Variants in DCDC1 observed in about 807,000 individuals in gnomAD.
DCDC1 encodes doublecortin domain containing 1, also known as doublecortin domain-containing protein 1.
A neutral mutation model predicts 178.3 loss-of-function variants in DCDC1; 200 were observed. The ratio of observed to expected loss-of-function variants is 1.12; its 90% CI spans 1.00 to 1.26. The LOEUF is 1.26. Ranked by LOEUF, DCDC1 falls within the 50% of genes most tolerant of loss-of-function variation. The pLI is 0.00. For missense variants in DCDC1, 1,983 were observed against 1,749.2 expected (o/e 1.13, Z -2.38); for synonymous variants, 690 against 604.8 (o/e 1.14, Z -2.07).
intron 8 of DCDC1, among the ~76,000 whole-genome samples, chr11:31,263,468 T>C (rs1286433362): frequency 6.6e-6 from 1 of 152,174 alleles, no homozygotes; most frequent in Non-Finnish European, 1.5e-5. Flanking sequence ...TACCTAATCC[T>C]TCTAGATAAT....
rs765869622 is a variant in DCDC1, at chr11:31,339,512, T to C, written c.-124-3948A>G. Among the ~76,000 whole-genome samples the C allele has an allele frequency of 3.3e-5, 5 of 152,298 alleles. No homozygotes were observed. The East Asian group carries it at 9.7e-4, about 29-fold the overall frequency. ...AAATGTATACATTGATCAGTTTCCTTGCCTCATTCAATATATGCTAGTAAT... is the reference window on the plus strand; with the variant it reads ...AAATGTATACATTGATCAGTTTCCTCGCCTCATTCAATATATGCTAGTAAT... On this transcript the variant is annotated intron_variant, in intron 1 of 38. Coordinates refer to ENST00000684477, the MANE Select transcript of DCDC1 (RefSeq NM_001387274.1).
At chr11:31,125,692 G>A (rs577253056) in intron 11 of DCDC1, among the ~76,000 whole-genome samples, 8 of 152,190 alleles carry the variant, frequency 5.3e-5, no homozygotes, top group Admixed American at 2.0e-4. Context: ...ACCAAACACT[G>A]TATATTCTCA....
chr11:31,287,633 AG>A (rs1387593507), intron 7 of DCDC1, among the ~76,000 whole-genome samples: 5 of 152,034 alleles, frequency 3.3e-5, no homozygotes, highest in Admixed American at 3.3e-4. Context: ...CAGCAACACT[AG>A]CAACAAAAAT....
At chr11:30,995,762 T>G (rs954668874) in intron 20 of DCDC1, among the ~76,000 whole-genome samples, 4 of 152,044 alleles carry the variant, frequency 2.6e-5, no homozygotes, top group Admixed American at 6.6e-5. Flanking sequence ...ACCTCATACC[T>G]TATACAAAAA....
At chr11:31,339,798 T>A (rs912628505) in intron 1 of DCDC1, among the ~76,000 whole-genome samples, 35 of 152,340 alleles carry the variant, frequency 2.3e-4, no homozygotes, top group African/African-American at 8.2e-4. Flanking sequence ...AAATTTTCAA[T>A]GTTAATTCTT....
intron 3 of DCDC1, among the ~76,000 whole-genome samples, chr11:31,311,249 T>G (rs1034922523): frequency 1.3e-5 from 2 of 152,094 alleles, no homozygotes; most frequent in Non-Finnish European, 2.9e-5. Context: ...AGCCTGCATA[T>G]GGGAAAGTAC....
intron 1 of DCDC1, among the ~76,000 whole-genome samples, chr11:31,365,424 G>T (rs749302022): frequency 3.9e-5 from 6 of 151,978 alleles, no homozygotes; most frequent in Non-Finnish European, 7.4e-5. Context: ...AAAAATCAAG[G>T]AAATGAAGGA....
intron 24 of DCDC1, 59 bp downstream of exon 24, chr11:30,922,444 A>G (rs569040058): frequency 2.8e-6 from 4 of 1,423,314 alleles, no homozygotes; most frequent in South Asian, 3.6e-5. Context: ...TTAAAAAGCA[A>G]TATCATCAAG....
chr11:30,998,291 CA>C (rs1951382905), intron 20 of DCDC1, among the ~76,000 whole-genome samples: 1 of 151,448 alleles, frequency 6.6e-6, no homozygotes, highest in South Asian at 2.1e-4. Context: ...AACCTGGACT[CA>C]AAATAAAATA....
intron 31 of DCDC1, chr11:30,903,991 A>G (rs913930769): frequency 5.2e-6 from 1 of 190,790 alleles, no homozygotes; most frequent in Admixed American, 6.0e-5. Context: ...CAACTTAAAA[A>G]TCCACTTTCA....
intron 1 of DCDC1, among the ~76,000 whole-genome samples, chr11:31,366,475 T>C (rs1358699365): frequency 6.6e-6 from 1 of 152,254 alleles, no homozygotes; most frequent in South Asian, 2.1e-4. Flanking sequence ...ACAAAGGACT[T>C]GCTATGAAAG....
chr11:30,919,740 A>C (rs1211786004), intron 25 of DCDC1, among the ~76,000 whole-genome samples: 2 of 152,222 alleles, frequency 1.3e-5, no homozygotes, highest in Non-Finnish European at 2.9e-5. Flanking sequence ...ATATTCTTAT[A>C]ATTGAGGATA....
chr11:31,182,116 A>G (rs1450667922), intron 9 of DCDC1, among the ~76,000 whole-genome samples: 1 of 152,246 alleles, frequency 6.6e-6, no homozygotes, highest in African/African-American at 2.4e-5. Flanking sequence ...CCTACGTTTG[A>G]TTGGTATACT....
intron 1 of DCDC1, among the ~76,000 whole-genome samples, chr11:31,344,179 T>C (rs1230692399): frequency 6.6e-6 from 1 of 152,166 alleles, no homozygotes; most frequent in African/African-American, 2.4e-5. Context: ...AATCGTTCAT[T>C]AGAAATTAAA....
intron 9 of DCDC1, among the ~76,000 whole-genome samples, chr11:31,203,904 A>T (rs1051148803): frequency 6.6e-6 from 1 of 152,256 alleles, no homozygotes; most frequent in Admixed American, 6.5e-5. Context: ...GAAAACTTGT[A>T]AAACTCTCCT....
At chr11:31,336,182 G>A (rs923385473) in intron 1 of DCDC1, among the ~76,000 whole-genome samples, 2 of 152,192 alleles carry the variant, frequency 1.3e-5, no homozygotes, top group Admixed American at 1.3e-4. Context: ...GGGAGTATGT[G>A]GGAGTGGAGG....
intron 13 of DCDC1, among the ~76,000 whole-genome samples, chr11:31,103,994 G>T (rs922653569): frequency 1.3e-5 from 2 of 152,032 alleles, no homozygotes; most frequent in Non-Finnish European, 2.9e-5. Flanking sequence ...TTCAACATAT[G>T]TAATTTAAAA....
intron 9 of DCDC1, among the ~76,000 whole-genome samples, chr11:31,215,622 A>G (rs1008958164): frequency 2.0e-5 from 3 of 152,014 alleles, no homozygotes; most frequent in African/African-American, 7.2e-5. Flanking sequence ...GTGAAACCCC[A>G]TCTCTACTAA....
At chr11:31,163,913 A>T (rs1966538349) in intron 9 of DCDC1, among the ~76,000 whole-genome samples, 1 of 152,172 alleles carries the variant, frequency 6.6e-6, no homozygotes, top group African/African-American at 2.4e-5. Context: ...GTGTTTCATG[A>T]CAAATTCTTT....
Sources: gnomAD v4.1 joint callset for allele counts (sites outside exome capture counted in the v4.1 genomes callset) on GRCh38, gnomAD v4.1.1 for gene constraint, MANE v1.5 for transcripts, NCBI Gene and HGNC (gene_info 2026-07-23, HGNC 2026-07-21) for gene names.